COL22A1: variants seen among roughly 807,000 people sequenced by gnomAD.
COL22A1 encodes the protein collagen type XXII alpha 1 chain.
Under a neutral mutation model 248.9 loss-of-function variants are expected in COL22A1, and 221 were observed. The ratio of observed to expected loss-of-function variants is 0.89; its 90% CI spans 0.80 to 0.99. The LOEUF (loss-of-function observed/expected upper bound fraction) is 0.99, where lower values mean the gene tolerates loss of function less well. Among genes scored for constraint, COL22A1 ranks in the 50% least tolerant of loss-of-function variants. The pLI is 0.00. For synonymous variants in COL22A1, 891 were observed against 793.4 expected (o/e 1.12, Z -2.07); for missense variants, 2,240 against 2,179.0 (o/e 1.03, Z -0.56).
intron 16 of COL22A1, among the ~76,000 whole-genome samples, chr8:138,774,936 T>G (rs909799382): frequency 4.6e-4 from 70 of 152,118 alleles, no homozygotes; most frequent in Non-Finnish European, 8.8e-4. Context: ...GGAGGGACAC[T>G]CCCCATGTGT....
intron 9 of COL22A1, among the ~76,000 whole-genome samples, chr8:138,808,528 A>G (rs1817916736): frequency 1.3e-5 from 2 of 152,230 alleles, no homozygotes; most frequent in Non-Finnish European, 2.9e-5. Context: ...TTCTAAATGT[A>G]AACTTTGTTT....
intron 41 of COL22A1, among the ~76,000 whole-genome samples, chr8:138,665,712 G>A (rs1824446265): frequency 6.6e-6 from 1 of 152,150 alleles, no homozygotes; most frequent in Admixed American, 6.5e-5. Flanking sequence ...GACATAACAA[G>A]TGGTAGAACT....
intron 41 of COL22A1, 106 bp from the exon 42 acceptor site, chr8:138,663,846 G>T: frequency 1.2e-6 from 1 of 823,874 alleles, no homozygotes; most frequent in Non-Finnish European, 2.1e-6. Context: ...CCTAGGAGGA[G>T]TCACTAACTT....
intron 6 of COL22A1, among the ~76,000 whole-genome samples, chr8:138,824,701 C>T (rs1819439631): frequency 6.6e-6 from 1 of 152,132 alleles, no homozygotes; most frequent in Admixed American, 6.5e-5. Flanking sequence ...TGACAGAGTG[C>T]ATGGGCATGC....
At chr8:138,721,916 C>G (rs1020952451) in intron 26 of COL22A1, 120 bp downstream of exon 26, 1 of 819,020 alleles carries the variant, frequency 1.2e-6, no homozygotes, top group African/African-American at 1.7e-5. Flanking sequence ...AACATTTCAA[C>G]TGAATCCTGA....
At chr8:138,734,263 C>T (rs1240334712) in intron 23 of COL22A1, among the ~76,000 whole-genome samples, 2 of 152,230 alleles carry the variant, frequency 1.3e-5, no homozygotes, top group Admixed American at 6.5e-5. Flanking sequence ...CAGATGAAAA[C>T]ACCTCCTCTA....
chr8:138,798,510 T>C (rs1816742308), intron 11 of COL22A1, among the ~76,000 whole-genome samples: 2 of 152,288 alleles, frequency 1.3e-5, no homozygotes, highest in African/African-American at 4.8e-5. Context: ...TCTAGATTTA[T>C]AAAAACTTAC....
At chr8:138,905,986 T>C (rs911846150) in intron 1 of COL22A1, among the ~76,000 whole-genome samples, 6 of 152,170 alleles carry the variant, frequency 3.9e-5, no homozygotes, top group South Asian at 2.1e-4. Flanking sequence ...CAGTGAAGAC[T>C]TCGCTGATAT....
chr8:138,787,709 T>C (rs1815661148), intron 12 of COL22A1, among the ~76,000 whole-genome samples: 2 of 152,206 alleles, frequency 1.3e-5, no homozygotes, highest in Admixed American at 1.3e-4. Flanking sequence ...CAACAGCTGC[T>C]GTGACTCAAA....
intron 37 of COL22A1, 94 bp from the exon 38 acceptor site, chr8:138,685,406 G>A (rs1298738425): frequency 1.0e-6 from 1 of 971,284 alleles, no homozygotes; most frequent in East Asian, 2.6e-5. Context: ...TAGGTTTCCT[G>A]GGGCTGCCTT....
At chr8:138,597,481 T>C (rs1817636690) in intron 61 of COL22A1, among the ~76,000 whole-genome samples, 1 of 152,170 alleles carries the variant, frequency 6.6e-6, no homozygotes, top group Admixed American at 6.5e-5. Context: ...CTAAACAACT[T>C]TCTCACCAAG....
chr8:138,645,996 G>C (rs1322507651), intron 47 of COL22A1, among the ~76,000 whole-genome samples: 1 of 152,130 alleles, frequency 6.6e-6, no homozygotes, highest in African/African-American at 2.4e-5. Context: ...TTTCTTCTTA[G>C]AGCTAAATAC....
intron 17 of COL22A1, among the ~76,000 whole-genome samples, chr8:138,761,819 C>T (rs576430132): frequency 1.1e-4 from 16 of 152,308 alleles, no homozygotes; most frequent in African/African-American, 3.8e-4. Context: ...AAGTCCCCTT[C>T]TGGGGGCAAC....
chr8:138,820,873 G>A (rs1819058009), intron 7 of COL22A1, among the ~76,000 whole-genome samples: 2 of 152,190 alleles, frequency 1.3e-5, no homozygotes, highest in South Asian at 4.1e-4. Flanking sequence ...CACAGTGCCT[G>A]GCACATAGTA....
chr8:138,843,609 C>T (rs1446255182), intron 4 of COL22A1, among the ~76,000 whole-genome samples: 2 of 152,184 alleles, frequency 1.3e-5, no homozygotes, highest in Non-Finnish European at 2.9e-5. Flanking sequence ...CTGTCATATG[C>T]CTGACAGCCT....
At chr8:138,664,203 G>GCACA (rs1391059869) in intron 41 of COL22A1, among the ~76,000 whole-genome samples, 1 of 90,116 alleles carries the variant, frequency 1.1e-5, no homozygotes, top group East Asian at 3.1e-4. Flanking sequence ...GTGCGCGCGC[G>GCACA]CGCGCGCACA....
At chr8:138,708,296 C>T (rs1351209829) in intron 30 of COL22A1, among the ~76,000 whole-genome samples, 3 of 152,176 alleles carry the variant, frequency 2.0e-5, no homozygotes, top group African/African-American at 4.8e-5. Context: ...CTCTAAAGTT[C>T]ATAGGGAACC....
intron 47 of COL22A1, among the ~76,000 whole-genome samples, chr8:138,639,100 A>C (rs1176652545): frequency 1.3e-5 from 2 of 152,202 alleles, no homozygotes; most frequent in African/African-American, 2.4e-5. Flanking sequence ...TATATCTTGA[A>C]CTGATGCAAA....
intron 30 of COL22A1, among the ~76,000 whole-genome samples, chr8:138,709,040 C>T (rs1394492208): frequency 1.3e-5 from 2 of 152,216 alleles, no homozygotes; most frequent in Non-Finnish European, 2.9e-5. Flanking sequence ...TGAAAAAATG[C>T]TCATCATTGC....
Sources: gnomAD v4.1 joint callset for allele counts (sites outside exome capture counted in the v4.1 genomes callset) on GRCh38, gnomAD v4.1.1 for gene constraint, MANE v1.5 for transcripts, NCBI Gene and HGNC (gene_info 2026-07-23, HGNC 2026-07-21) for gene names.